The following SLC16A12 variants were observed in gnomAD, a reference collection of about 807,000 sequenced individuals.
The protein encoded by SLC16A12 is monocarboxylate transporter 12.
Under a neutral mutation model 42.4 loss-of-function variants are expected in SLC16A12, and 17 were observed. The ratio of observed to expected loss-of-function variants is 0.40; its 90% CI spans 0.27 to 0.60. SLC16A12 has a LOEUF of 0.60. Ranked by LOEUF, SLC16A12 falls within the 20% of genes least tolerant of loss-of-function variation. The pLI is 0.42. For missense variants in SLC16A12, 544 were observed against 623.0 expected (o/e 0.87, Z 1.35); for synonymous variants, 224 against 229.4 (o/e 0.98, Z 0.21).
intron 2 of SLC16A12, among the ~76,000 whole-genome samples, chr10:89,492,141 T>C (rs1842856221): frequency 6.6e-6 from 1 of 152,210 alleles, no homozygotes; most frequent in South Asian, 2.1e-4. Context: ...CATTTGTTTA[T>C]GATGTCATTT....
chr10:89,544,460 T>C (rs1014675155), intron 2 of SLC16A12, among the ~76,000 whole-genome samples: 26 of 152,234 alleles, frequency 1.7e-4, no homozygotes, highest in African/African-American at 6.3e-4. Flanking sequence ...ATGTTGAACT[T>C]GGTTTTCCAG....
chr10:89,522,613 G>C (rs1013799164), intron 2 of SLC16A12, among the ~76,000 whole-genome samples: 1 of 152,296 alleles, frequency 6.6e-6, no homozygotes, highest in African/African-American at 2.4e-5. Flanking sequence ...TATTGCACTT[G>C]TTCCTTACAT....
intron 3 of SLC16A12, among the ~76,000 whole-genome samples, chr10:89,454,300 C>G (rs1842146426): frequency 6.6e-6 from 1 of 152,006 alleles, no homozygotes; most frequent in South Asian, 2.1e-4. Flanking sequence ...AAGTCACTAT[C>G]TCATATATAT....
intron 2 of SLC16A12, among the ~76,000 whole-genome samples, chr10:89,555,606 CAT>C (rs112594667): frequency 3.4e-4 from 47 of 136,408 alleles, no homozygotes; most frequent in African/African-American, 6.9e-4. Flanking sequence ...CACATATATA[CAT>C]ATATATACAG....
chr10:89,553,371 C>T (rs1368495193), intron 2 of SLC16A12, among the ~76,000 whole-genome samples: 1 of 152,204 alleles, frequency 6.6e-6, no homozygotes, highest in Non-Finnish European at 1.5e-5. Flanking sequence ...ACATTTTGCA[C>T]ATTAGGTACT....
chr10:89,452,531 G>A (rs1842110584), intron 3 of SLC16A12, among the ~76,000 whole-genome samples: 1 of 152,152 alleles, frequency 6.6e-6, no homozygotes, highest in Non-Finnish European at 1.5e-5. Context: ...AAAGGAAGAA[G>A]CTTTCTATTT....
chr10:89,472,864 C>T (rs918352132), intron 2 of SLC16A12, among the ~76,000 whole-genome samples: 1 of 151,764 alleles, frequency 6.6e-6, no homozygotes, highest in Non-Finnish European at 1.5e-5. Context: ...GTCACCTGGG[C>T]CAGAGTGCAG....
At position 89,460,361 on chromosome 10, in the gene SLC16A12, A is replaced by G. The variant is rs1042977319; in HGVS notation, c.200+2018T>C. On this transcript the variant is annotated intron_variant, in intron 3 of 7. Coordinates refer to ENST00000371790, the MANE Select transcript of SLC16A12 (RefSeq NM_213606.4). ...TTCTTAATGTCCAGGGAGCTGTCAT[A>G]TCAGTGATGAGAAGTCACAATGCCA... Among the ~76,000 whole-genome samples the G allele has an allele frequency of 5.3e-5, 8 of 152,148 alleles. 1 individual carries two copies. Among genetic ancestry groups the G allele is most frequent in the African/African-American group, 1.4e-4 (6 of 41,436 alleles).
chr10:89,491,577 A>T (rs1453580231), intron 2 of SLC16A12, among the ~76,000 whole-genome samples: 1 of 152,114 alleles, frequency 6.6e-6, no homozygotes, highest in African/African-American at 2.4e-5. Context: ...AAGAGGAAAG[A>T]ATCATGCCTC....
At chr10:89,515,809 T>C (rs897005891) in intron 2 of SLC16A12, among the ~76,000 whole-genome samples, 22 of 152,128 alleles carry the variant, frequency 1.4e-4, no homozygotes, top group African/African-American at 5.3e-4. Flanking sequence ...CAGAAAGTCA[T>C]CACAATCAGT....
intron 4 of SLC16A12, among the ~76,000 whole-genome samples, chr10:89,443,530 C>G (rs916121139): frequency 1.3e-5 from 2 of 152,234 alleles, no homozygotes; most frequent in Non-Finnish European, 2.9e-5. Flanking sequence ...AGTGTATTAT[C>G]TAACTGTTCT....
upstream of SLC16A12, among the ~76,000 whole-genome samples, chr10:89,537,286 T>A (rs1019346356): frequency 6.6e-6 from 1 of 151,728 alleles, no homozygotes; most frequent in Non-Finnish European, 1.5e-5. Flanking sequence ...CAAGGGATCC[T>A]CCTGCCTCAG....
rs775505663 is a variant in SLC16A12, at chr10:89,435,671, C to T, written c.1288+389G>A. On this transcript the variant is annotated intron_variant, in intron 7 of 7. Coordinates refer to ENST00000371790, the MANE Select transcript of SLC16A12 (RefSeq NM_213606.4). ...CCAAAACACTCCACTATGACACTGG[C>T]GTTTATAATTTCAGCCTCATCACCC... Among the ~76,000 whole-genome samples the T allele has an allele frequency of 1.1e-4, 17 of 152,154 alleles. 1 individual carries two copies. The highest frequency in any genetic ancestry group is 2.1e-4 in the South Asian group (1 of 4,832).
At chr10:89,533,070 G>A (rs546090996) in intron 2 of SLC16A12, among the ~76,000 whole-genome samples, 2 of 152,198 alleles carry the variant, frequency 1.3e-5, no homozygotes, top group South Asian at 4.1e-4. Flanking sequence ...ATAACCAAAT[G>A]TGGGAACTGC....
At chr10:89,550,214 A>C (rs1255811792) in intron 2 of SLC16A12, among the ~76,000 whole-genome samples, 1 of 152,124 alleles carries the variant, frequency 6.6e-6, no homozygotes, top group African/African-American at 2.4e-5. Flanking sequence ...TCCATAAAAC[A>C]TCAAGAATGT....
At chr10:89,451,292 AG>A (rs1330596975) in intron 3 of SLC16A12, among the ~76,000 whole-genome samples, 1 of 152,204 alleles carries the variant, frequency 6.6e-6, no homozygotes, top group African/African-American at 2.4e-5. Flanking sequence ...GGAGAGAACC[AG>A]GTATAAACAA....
At chr10:89,436,877 A>AAAG (rs1841802256) in intron 6 of SLC16A12, among the ~76,000 whole-genome samples, 1 of 129,100 alleles carries the variant, frequency 7.7e-6, no homozygotes, top group Non-Finnish European at 1.6e-5. Flanking sequence ...AAAAAGAAAG[A>AAAG]AAGAAAGAAA....
At chr10:89,456,517 C>CTT (rs61376432) in intron 3 of SLC16A12, among the ~76,000 whole-genome samples, 1 of 150,746 alleles carries the variant, frequency 6.6e-6, no homozygotes, top group African/African-American at 2.4e-5. Context: ...AAGTATGATT[C>CTT]TTTTTTTTTC....
At chr10:89,439,242 A>C in intron 5 of SLC16A12, 59 bp from the exon 6 acceptor site, 101 of 1,458,984 alleles carry the variant, frequency 6.9e-5, no homozygotes, top group Non-Finnish European at 9.1e-5. Context: ...ATGATATCTC[A>C]GAATACAATG....
Sources: gnomAD v4.1 joint callset for allele counts (sites outside exome capture counted in the v4.1 genomes callset) on GRCh38, gnomAD v4.1.1 for gene constraint, MANE v1.5 for transcripts, NCBI Gene and HGNC (gene_info 2026-07-23, HGNC 2026-07-21) for gene names.